The following CBFA2T2 variants were observed in gnomAD, a reference collection of about 807,000 sequenced individuals.
The protein encoded by CBFA2T2 is protein CBFA2T2.
Under a neutral mutation model 62.2 loss-of-function variants are expected in CBFA2T2, and 11 were observed. The observed-to-expected ratio is 0.18, with a 90% CI of 0.11 to 0.29. The LOEUF (loss-of-function observed/expected upper bound fraction) is 0.29, where lower values mean the gene tolerates loss of function less well. Ranked by LOEUF, CBFA2T2 falls within the 10% of genes least tolerant of loss-of-function variation. The pLI is 1.00. For synonymous variants in CBFA2T2, 295 were observed against 287.5 expected (o/e 1.03, Z -0.27); for missense variants, 592 against 774.1 (o/e 0.76, Z 2.79).
At chr20:33,567,625 C>T (rs2013384313) in intron 1 of CBFA2T2, among the ~76,000 whole-genome samples, 1 of 151,280 alleles carries the variant, frequency 6.6e-6, no homozygotes. Context: ...TCTTGTTGCC[C>T]AGGCTGGAGT....
intron 1 of CBFA2T2, among the ~76,000 whole-genome samples, chr20:33,530,566 C>T (rs189102859): frequency 1.7e-3 from 264 of 152,072 alleles, no homozygotes; most frequent in African/African-American, 5.8e-3. Context: ...TACAGCCATG[C>T]GCAGCCACAC....
chr20:33,522,982 C>G (rs6059365), intron 1 of CBFA2T2, among the ~76,000 whole-genome samples: 6 of 152,076 alleles, frequency 3.9e-5, no homozygotes, highest in African/African-American at 1.5e-4. Flanking sequence ...AGAGAAAATA[C>G]AGAAGTTTGA....
chr20:33,525,179 C>G (rs2011852243), intron 1 of CBFA2T2, among the ~76,000 whole-genome samples: 2 of 149,306 alleles, frequency 1.3e-5, no homozygotes, highest in Non-Finnish European at 3.0e-5. Flanking sequence ...TTCACATACC[C>G]TACCTCCATT....
At chr20:33,567,876 G>A (rs2013404386) in intron 1 of CBFA2T2, among the ~76,000 whole-genome samples, 1 of 152,158 alleles carries the variant, frequency 6.6e-6, no homozygotes, top group Non-Finnish European at 1.5e-5. Context: ...GAGCCACCAC[G>A]CCCAGCCTGT....
At chr20:33,542,344 A>G (rs1056968678) in intron 1 of CBFA2T2, among the ~76,000 whole-genome samples, 4 of 152,138 alleles carry the variant, frequency 2.6e-5, no homozygotes, top group Non-Finnish European at 4.4e-5. Flanking sequence ...AACTAGATCT[A>G]TTTTGTTCCT....
At chr20:33,519,751 G>C (rs1350106354) in intron 1 of CBFA2T2, among the ~76,000 whole-genome samples, 1 of 152,122 alleles carries the variant, frequency 6.6e-6, no homozygotes, top group Non-Finnish European at 1.5e-5. Flanking sequence ...TTCATTTTCA[G>C]CAGCAGGGTT....
Position 33,640,961 on chromosome 20 carries a change from G to A in CBFA2T2, c.1488+430G>A, listed in dbSNP as rs961476475. Among the ~76,000 whole-genome samples the A allele has an allele frequency of 5.9e-5, 9 of 152,102 alleles. No individual in the cohort carries two copies. The East Asian group carries it at 1.7e-3, about 29-fold the overall frequency. On this transcript the variant is annotated intron_variant, in intron 10 of 10. Transcript: ENST00000342704. ...GCAGATGAGGAGACTGTGGCTCAGG[G>A]AATGCAACTAATATACCCCTTTGGT...
intron 10 of CBFA2T2, 41 bp downstream of exon 10, chr20:33,640,572 A>T: frequency 1.3e-6 from 2 of 1,584,838 alleles, no homozygotes; most frequent in Non-Finnish European, 8.6e-7. Context: ...GAGCAGCTGG[A>T]GTGACCACGC....
At chr20:33,531,882 A>C (rs2012071775) in intron 1 of CBFA2T2, among the ~76,000 whole-genome samples, 1 of 152,242 alleles carries the variant, frequency 6.6e-6, no homozygotes, top group Admixed American at 6.5e-5. Flanking sequence ...TCAAGTTAAA[A>C]GGAAAAAGAA....
At chr20:33,616,085 A>ATAGG (rs1380516216) in intron 3 of CBFA2T2, among the ~76,000 whole-genome samples, 3 of 117,674 alleles carry the variant, frequency 2.5e-5, no homozygotes, top group Non-Finnish European at 5.4e-5. Context: ...ATAGAGATAG[A>ATAGG]TAGATAGATA....
intron 3 of CBFA2T2, among the ~76,000 whole-genome samples, chr20:33,613,955 C>T (rs535256165): frequency 8.7e-4 from 132 of 151,956 alleles, no homozygotes; most frequent in African/African-American, 3.0e-3. Flanking sequence ...TCATTTGCGG[C>T]GGGCGGATCA....
intron 3 of CBFA2T2, among the ~76,000 whole-genome samples, chr20:33,616,078 G>GAGAT (rs3054967): frequency 0.13 from 17,923 of 143,164 alleles, 1,070 homozygotes; most frequent in Non-Finnish European, 0.13. Context: ...TCTGTAGATA[G>GAGAT]AGATAGATAG....
At position 33,548,467 on chromosome 20, in the gene CBFA2T2, C is replaced by T. The variant is rs565605100; in HGVS notation, c.34+58166C>T. On this transcript the variant is annotated intron_variant, in intron 1 of 10. Coordinates refer to ENST00000342704, the MANE Select transcript of CBFA2T2 (RefSeq NM_001032999.3). The stretch of plus-strand genomic sequence containing the variant: ...CCATGTTGGCCAGGCTGGTCTCGAA[C>T]TCCTGACCTCAGGTGATCTGCCTGC... Among the ~76,000 whole-genome samples the T allele has an allele frequency of 2.0e-5, 3 of 152,088 alleles. No individual in the cohort carries two copies. The South Asian group carries it at 6.3e-4, about 32-fold the overall frequency.
chr20:33,493,290 G>A (rs1009888708), intron 1 of CBFA2T2, among the ~76,000 whole-genome samples: 3 of 149,722 alleles, frequency 2.0e-5, no homozygotes. Context: ...TGGCCAGGCT[G>A]GTCTCGAACG....
At chr20:33,640,973 TA>T (rs2122391955) in intron 10 of CBFA2T2, among the ~76,000 whole-genome samples, 1 of 152,234 alleles carries the variant, frequency 6.6e-6, no homozygotes, top group Admixed American at 6.5e-5. Flanking sequence ...ATGCAACTAA[TA>T]TACCCCTTTG....
intron 1 of CBFA2T2, among the ~76,000 whole-genome samples, chr20:33,581,748 C>A (rs1446391611): frequency 6.6e-6 from 1 of 152,132 alleles, no homozygotes; most frequent in African/African-American, 2.4e-5. Flanking sequence ...GCCATCTGTT[C>A]CCTATTCTCA....
intron 1 of CBFA2T2, among the ~76,000 whole-genome samples, chr20:33,582,752 G>T (rs949997400): frequency 1.3e-5 from 2 of 152,046 alleles, no homozygotes; most frequent in Non-Finnish European, 2.9e-5. Flanking sequence ...GACTAGCCTG[G>T]CCAACATGGC....
At chr20:33,613,559 G>A (rs1372689271) in intron 3 of CBFA2T2, among the ~76,000 whole-genome samples, 1 of 152,154 alleles carries the variant, frequency 6.6e-6, no homozygotes, top group Non-Finnish European at 1.5e-5. Flanking sequence ...GCCTATTACA[G>A]ACTCAATGCC....
intron 1 of CBFA2T2, among the ~76,000 whole-genome samples, chr20:33,604,565 G>A (rs2015265452): frequency 6.6e-6 from 1 of 152,210 alleles, no homozygotes; most frequent in South Asian, 2.1e-4. Context: ...CAGTTCTCTA[G>A]TGGCTGGGTT....
Sources: gnomAD v4.1 joint callset for allele counts (sites outside exome capture counted in the v4.1 genomes callset) on GRCh38, gnomAD v4.1.1 for gene constraint, MANE v1.5 for transcripts, NCBI Gene and HGNC (gene_info 2026-07-23, HGNC 2026-07-21) for gene names.